The following NEBL variants were observed in gnomAD, a reference collection of about 807,000 sequenced individuals.
NEBL encodes LIM and SH3 protein 2.
A neutral mutation model predicts 140.2 loss-of-function variants in NEBL; 122 were observed. The observed-to-expected ratio is 0.87, with a 90% CI of 0.75 to 1.01. The LOEUF (loss-of-function observed/expected upper bound fraction) is 1.01. NEBL is among the 50% of genes least tolerant of loss of function. The probability of loss-of-function intolerance (pLI) is 0.00; values close to 1 mark genes in which losing one functional copy is unlikely to be tolerated. For missense variants in NEBL, 1,365 were observed against 1,231.3 expected (o/e 1.11, Z -1.62); for synonymous variants, 436 against 398.9 (o/e 1.09, Z -1.11).
At chr10:20,898,171 T>C (rs977038408), upstream of NEBL, among the ~76,000 whole-genome samples, 1 of 151,634 alleles carries the variant, frequency 6.6e-6, no homozygotes, top group Non-Finnish European at 1.5e-5. Context: ...AAACCAAGGT[T>C]AAAAAAAAAT....
intron 3 of NEBL, among the ~76,000 whole-genome samples, chr10:20,963,045 C>T (rs1478619593): frequency 7.2e-6 from 1 of 138,794 alleles, no homozygotes; most frequent in African/African-American, 2.6e-5. Context: ...CACACACACA[C>T]ACGGAAATCT....
intron 2 of NEBL, among the ~76,000 whole-genome samples, chr10:21,073,020 C>A (rs1835889667): frequency 1.3e-5 from 2 of 151,924 alleles, no homozygotes; most frequent in African/African-American, 4.8e-5. Context: ...GAGAGAGAAG[C>A]AGCCACAGCA....
chr10:20,903,858 G>A (rs1847977532), intron 4 of NEBL, among the ~76,000 whole-genome samples: 1 of 147,598 alleles, frequency 6.8e-6, no homozygotes, highest in Non-Finnish European at 1.5e-5. Flanking sequence ...AACGGCCAAT[G>A]GAGACTCAGA....
At chr10:21,267,339 C>G (rs1384256256) in intron 1 of NEBL, among the ~76,000 whole-genome samples, 1 of 151,962 alleles carries the variant, frequency 6.6e-6, no homozygotes, top group Non-Finnish European at 1.5e-5. Flanking sequence ...GTCTCAAACT[C>G]CTGACCTCAA....
At chr10:20,965,313 G>A (rs1326877426) in intron 3 of NEBL, among the ~76,000 whole-genome samples, 3 of 152,228 alleles carry the variant, frequency 2.0e-5, no homozygotes, top group Non-Finnish European at 4.4e-5. Context: ...GAGAAAAATA[G>A]CGAGACAAGG....
intron 2 of NEBL, among the ~76,000 whole-genome samples, chr10:21,094,296 A>T (rs980834117): frequency 6.6e-6 from 1 of 152,010 alleles, no homozygotes; most frequent in Non-Finnish European, 1.5e-5. Context: ...AGGTCAGGAG[A>T]TCGAGACCAT....
intron 1 of NEBL, among the ~76,000 whole-genome samples, chr10:21,263,380 T>C (rs1278058984): frequency 2.6e-5 from 4 of 151,434 alleles, no homozygotes; most frequent in African/African-American, 9.7e-5. Context: ...GCTCCTGTTA[T>C]GTTAGGGGAA....
At chr10:21,286,064 C>T (rs1843051275) in intron 1 of NEBL, among the ~76,000 whole-genome samples, 2 of 152,182 alleles carry the variant, frequency 1.3e-5, no homozygotes, top group Admixed American at 6.5e-5. Flanking sequence ...TTAGACTTGG[C>T]CTTCAGATTT....
intron 27 of NEBL, among the ~76,000 whole-genome samples, 195 bp downstream of exon 27, chr10:20,787,007 G>C (rs1458562419): frequency 2.0e-5 from 3 of 152,112 alleles, no homozygotes; most frequent in African/African-American, 4.8e-5. Flanking sequence ...GCTTATTAAT[G>C]CCTTCCTTTC....
intron 2 of NEBL, among the ~76,000 whole-genome samples, chr10:21,031,718 T>C (rs1371230995): frequency 6.6e-6 from 1 of 152,134 alleles, no homozygotes; most frequent in Non-Finnish European, 1.5e-5. Context: ...CTTCTACCAT[T>C]TTCTTTCTTT....
intron 1 of NEBL, among the ~76,000 whole-genome samples, chr10:21,286,123 T>A (rs959057286): frequency 1.1e-4 from 16 of 152,210 alleles, no homozygotes; most frequent in Non-Finnish European, 4.4e-5. Context: ...TGTGACTGGA[T>A]GAATGAATGG....
chr10:20,845,445 C>A, intron 11 of NEBL, 77 bp from the exon 12 acceptor site: 1 of 936,210 alleles, frequency 1.1e-6, no homozygotes, highest in Non-Finnish European at 1.7e-6. Context: ...CAAGAGTTCC[C>A]AGAACAAAAA....
intron 3 of NEBL, among the ~76,000 whole-genome samples, chr10:21,245,672 C>G (rs888213256): frequency 6.6e-6 from 1 of 152,210 alleles, no homozygotes; most frequent in Admixed American, 6.5e-5. Flanking sequence ...GCTGGAATTG[C>G]AGGTGCCCAC....
At chr10:20,986,346 T>A (rs1837258114) in intron 3 of NEBL, among the ~76,000 whole-genome samples, 1 of 152,166 alleles carries the variant, frequency 6.6e-6, no homozygotes, top group South Asian at 2.1e-4. Flanking sequence ...ATGTCACATA[T>A]CTCATTGACC....
At position 21,068,493 on chromosome 10, in the gene NEBL, C is replaced by G. The variant is rs143766851; in HGVS notation, c.165-48292G>C. Among the ~76,000 whole-genome samples the G allele has an allele frequency of 2.7e-3, 409 of 152,312 alleles. 2 individuals are homozygous for G. Among genetic ancestry groups the G allele is most frequent in the African/African-American group, 8.8e-3 (364 of 41,578 alleles). On this transcript the variant is annotated intron_variant, in intron 2 of 6. Transcript: ENST00000417816. ...ATCAAACTATGGGGGGAGGAACATTCTTTCCCCTGAGATGGCTTGGATGTA... is the reference window on the plus strand; with the variant it reads ...ATCAAACTATGGGGGGAGGAACATTGTTTCCCCTGAGATGGCTTGGATGTA...
chr10:20,821,050 GCTA>G (rs1213836485), intron 19 of NEBL, among the ~76,000 whole-genome samples: 1 of 152,136 alleles, frequency 6.6e-6, no homozygotes, highest in African/African-American at 2.4e-5. Context: ...GGGTGATTGA[GCTA>G]AAGGGAGGAA....
chr10:21,086,865 A>C (rs921065589), intron 2 of NEBL, among the ~76,000 whole-genome samples: 5 of 152,194 alleles, frequency 3.3e-5, no homozygotes, highest in Non-Finnish European at 5.9e-5. Context: ...TTTGCTGAAG[A>C]GTTCAGTCAT....
intron 2 of NEBL, among the ~76,000 whole-genome samples, chr10:21,122,318 G>A (rs923591830): frequency 6.6e-6 from 1 of 151,578 alleles, no homozygotes; most frequent in Non-Finnish European, 1.5e-5. Flanking sequence ...GAGCCACCAC[G>A]CCCAGCCGGG....
At chr10:20,871,622 A>G (rs746794697) in intron 5 of NEBL, among the ~76,000 whole-genome samples, 5 of 152,302 alleles carry the variant, frequency 3.3e-5, no homozygotes, top group Middle Eastern at 3.4e-3. Flanking sequence ...ATAATCATGA[A>G]TCTGTCTGAC....
Sources: gnomAD v4.1 joint callset for allele counts (sites outside exome capture counted in the v4.1 genomes callset) on GRCh38, gnomAD v4.1.1 for gene constraint, MANE v1.5 for transcripts, NCBI Gene and HGNC (gene_info 2026-07-23, HGNC 2026-07-21) for gene names.